The following ERCC6 variants were observed in gnomAD, a reference collection of about 807,000 sequenced individuals.
ERCC6 encodes the protein ERCC excision repair 6, chromatin remodeling factor.
In ERCC6, 116 loss-of-function variants were observed where a neutral mutation model predicts 158.7. The ratio of observed to expected loss-of-function variants is 0.73; its 90% CI spans 0.63 to 0.85. The LOEUF (loss-of-function observed/expected upper bound fraction) is 0.85, where lower values mean the gene tolerates loss of function less well. Ranked by LOEUF, ERCC6 falls within the 40% of genes least tolerant of loss-of-function variation. ERCC6 has a pLI of 0.00. For synonymous variants in ERCC6, 678 were observed against 659.3 expected (o/e 1.03, Z -0.43); for missense variants, 1,698 against 1,799.4 (o/e 0.94, Z 1.02).
chr10:49,536,346 T>C (rs1837598516), intron 1 of ERCC6, among the ~76,000 whole-genome samples: 1 of 151,928 alleles, frequency 6.6e-6, no homozygotes, highest in South Asian at 2.1e-4. Context: ...ACGTAATGGC[T>C]GGAGGGAGAC....
chr10:49,489,351 A>G (rs987419257), intron 8 of ERCC6, among the ~76,000 whole-genome samples: 2 of 152,230 alleles, frequency 1.3e-5, no homozygotes, highest in African/African-American at 2.4e-5. Context: ...AATGTTACCT[A>G]TTAGGGACCA....
chr10:49,514,171 T>C (rs955468060), intron 5 of ERCC6, among the ~76,000 whole-genome samples: 5 of 152,110 alleles, frequency 3.3e-5, no homozygotes, highest in African/African-American at 4.8e-5. Flanking sequence ...AAGGGAAAGA[T>C]TGCCTTCATT....
At chr10:49,450,961 G>A (rs181716874), downstream of ERCC6, among the ~76,000 whole-genome samples, 2,207 of 151,852 alleles carry the variant, frequency 0.015, 43 homozygotes, top group African/African-American at 0.049. Flanking sequence ...ACAGGCACCC[G>A]CCACCACGCC....
the ERCC6 span, among the ~76,000 whole-genome samples, chr10:49,442,006 T>C: frequency 1.3e-5 from 2 of 152,150 alleles, no homozygotes. Flanking sequence ...ACCATCTTTG[T>C]TGCCCTAGCA....
chr10:49,509,450 T>C (rs1380198345), intron 5 of ERCC6, among the ~76,000 whole-genome samples: 1 of 152,210 alleles, frequency 6.6e-6, no homozygotes, highest in East Asian at 1.9e-4. Flanking sequence ...ACAGAAACTA[T>C]GATAGCTCAT....
the ERCC6 span, among the ~76,000 whole-genome samples, chr10:49,442,258 C>T: frequency 6.6e-6 from 1 of 152,252 alleles, no homozygotes; most frequent in African/African-American, 2.4e-5. Context: ...CCCGCCCTCT[C>T]GCGCTCTCTG....
chr10:49,536,033 T>C (rs1475744328), intron 1 of ERCC6, among the ~76,000 whole-genome samples: 2 of 152,164 alleles, frequency 1.3e-5, no homozygotes, highest in African/African-American at 2.4e-5. Flanking sequence ...CGAGAATCGC[T>C]TGAACCCAGG....
rs1263778766 is a variant in ERCC6, at chr10:49,458,769, A to C, written c.*46T>G. 3 of 1,580,074 alleles carry C rather than the reference A, an allele frequency of 1.9e-6. No individual in the cohort carries two copies. The highest frequency in any genetic ancestry group is 2.6e-6 in the Non-Finnish European group (3 of 1,149,300). On this transcript the variant is annotated 3_prime_UTR_variant, in exon 21 of 21. Transcript: ENST00000355832. ...ATTAATAATAAATTAATAATCAGAA[A>C]TGCCCGTTAGAAAAAGGGACTTGAA...
rs574874727 is a variant in ERCC6, at chr10:49,522,478, A to G, written c.1397+1555T>C. Among the ~76,000 whole-genome samples, 116 of 152,352 alleles carry G rather than the reference A, an allele frequency of 7.6e-4. 1 individual carries two copies. The highest frequency in any genetic ancestry group is 2.6e-3 in the African/African-American group (107 of 41,578). ...TATTGATATTTCTGAAATTCATTTG[A>G]GATTTCACTGTAGCTTTAGCAAAAT... On this transcript the variant is annotated intron_variant, in intron 5 of 20. Coordinates refer to ENST00000355832, the MANE Select transcript of ERCC6 (RefSeq NM_000124.4).
chr10:49,530,699 C>G, intron 3 of ERCC6, 21 bp downstream of exon 3: 1 of 1,611,242 alleles, frequency 6.2e-7, no homozygotes, highest in South Asian at 1.1e-5. Context: ...AAATGCAATA[C>G]TGAATGTTAT....
chr10:49,478,327 G>C (rs1850914183), intron 11 of ERCC6, 27 bp downstream of exon 11: 6 of 1,386,946 alleles, frequency 4.3e-6, no homozygotes, highest in Non-Finnish European at 5.1e-6. Flanking sequence ...CTTTAGGAAT[G>C]CTTCGTTAAC....
In ERCC6 at chr10:49,475,874, A is replaced by G. The variant is rs556842370; in HGVS notation, c.2382+341T>C. On this transcript the variant is annotated intron_variant, in intron 12 of 20. Transcript: ENST00000355832. ...CACAAGATATATAATTCTGGTCATA[A>G]TATCTGGGAAAATGCAGCTATGTAC... Among the ~76,000 whole-genome samples, 3 of 152,304 alleles carry G rather than the reference A, an allele frequency of 2.0e-5. No homozygotes were observed. The South Asian group carries it at 6.2e-4, about 32-fold the overall frequency.
intron 7 of ERCC6, among the ~76,000 whole-genome samples, chr10:49,498,936 T>G (rs1189604258): frequency 1.3e-5 from 2 of 151,862 alleles, no homozygotes; most frequent in Non-Finnish European, 2.9e-5. Flanking sequence ...TTTGGAGGAG[T>G]TTGGGGTTGT....
intron 1 of ERCC6, among the ~76,000 whole-genome samples, chr10:49,533,449 C>T (rs1837520759): frequency 6.6e-6 from 1 of 152,144 alleles, no homozygotes; most frequent in South Asian, 2.1e-4. Flanking sequence ...AGGCTGAATA[C>T]CTATCCAGTA....
At chr10:49,482,409 C>G (rs994972239) in intron 10 of ERCC6, among the ~76,000 whole-genome samples, 1 of 152,118 alleles carries the variant, frequency 6.6e-6, no homozygotes, top group Non-Finnish European at 1.5e-5. Flanking sequence ...TTAAACATCC[C>G]AGGAACAATG....
At chr10:49,466,542 T>C (rs539093662) in intron 18 of ERCC6, among the ~76,000 whole-genome samples, 4 of 152,212 alleles carry the variant, frequency 2.6e-5, no homozygotes, top group East Asian at 3.9e-4. Context: ...TGTGACATTA[T>C]GTACATACCA....
At chr10:49,460,489 G>C (rs1450873528) in intron 19 of ERCC6, 38 bp from the exon 20 acceptor site, 8 of 1,391,338 alleles carry the variant, frequency 5.7e-6, no homozygotes, top group Non-Finnish European at 7.2e-6. Context: ...TTAAATGTTT[G>C]CTTTTGAGAC....
chr10:49,500,554 G>A lies in ERCC6; in HGVS notation c.1669C>T (p.Arg557Cys), dbSNP rs115582915. 25 of 1,613,854 alleles carry A rather than the reference G, an allele frequency of 1.5e-5. No homozygotes were observed. The African/African-American group carries it at 2.7e-4, about 17-fold the overall frequency. ...AGCACTTGCCTGTAATTTGAACCAC[G>A]AGTCCTGATCTTGCTGTAGCTCAGA... Reference protein sequence around the residue: ...AGLSYSKIRTRGSNYRFEGLG... With the variant: ...AGLSYSKIRTCGSNYRFEGLG... The change falls in exon 7 of 21, where the codon CGT (arginine) becomes TGT (cysteine). Residue 557 changes from arginine to cysteine, a missense_variant. Transcript: ENST00000355832.
chr10:49,447,310 C>T, the ERCC6 span, among the ~76,000 whole-genome samples: 2 of 152,194 alleles, frequency 1.3e-5, no homozygotes, highest in African/African-American at 2.4e-5. Flanking sequence ...GCCTTTAGTA[C>T]ATTCACAATG....
Sources: gnomAD v4.1 joint callset for allele counts (sites outside exome capture counted in the v4.1 genomes callset) on GRCh38, gnomAD v4.1.1 for gene constraint, MANE v1.5 for transcripts, NCBI Gene and HGNC (gene_info 2026-07-23, HGNC 2026-07-21) for gene names.